RHOBTB2: variants seen among roughly 807,000 people sequenced by gnomAD.
RHOBTB2 encodes Rho related BTB domain containing 2, also known as rho-related BTB domain-containing protein 2.
RHOBTB2 carries 39 observed loss-of-function variants against 66.5 expected under a neutral mutation model. That is an observed-to-expected ratio of 0.59 (90% CI 0.45 to 0.77). The LOEUF (loss-of-function observed/expected upper bound fraction) is 0.77, where lower values mean the gene tolerates loss of function less well. Among genes scored for constraint, RHOBTB2 ranks in the 30% least tolerant of loss-of-function variants. RHOBTB2 has a pLI of 0.00. For missense variants in RHOBTB2, 755 were observed against 999.1 expected (o/e 0.76, Z 3.29); for synonymous variants, 390 against 395.0 (o/e 0.99, Z 0.15).
chr8:23,017,513 C>T lies in RHOBTB2; in HGVS notation c.*44C>T, dbSNP rs761017885. The T allele has an allele frequency of 7.1e-6, 11 of 1,551,190 alleles. No individual in the cohort carries two copies. In the East Asian group the frequency reaches 2.0e-4, roughly 28 times the overall value. Reference sequence around the variant, plus strand: ...TGACCCTGCTGCTGTTGTCCCCATCCGCCTTCACCCCTCTGCTCTTCCGCA... The same window carrying T: ...TGACCCTGCTGCTGTTGTCCCCATCTGCCTTCACCCCTCTGCTCTTCCGCA... On this transcript the variant is annotated 3_prime_UTR_variant, in exon 10 of 10. Transcript: ENST00000251822. This position sits in a 1 kb window ranked among gnomAD's most constrained non-coding sequence, Gnocchi z 5.3.
Position 23,017,344 on chromosome 8 carries a change from A to G in RHOBTB2, c.2059A>G (p.Lys687Glu), listed in dbSNP as rs374421851. ...HYQRARKEREKEDYLHLKRQP... is the reference protein window; with the variant it reads ...HYQRARKEREEEDYLHLKRQP... The stretch of plus-strand genomic sequence containing the variant: ...CCAGCGGGCACGGAAGGAGCGTGAG[A>G]AGGAGGACTACCTCCACCTCAAGCG... The change falls in exon 10 of 10, where the codon AAG becomes GAG. Residue 687 changes from lysine (K) to glutamate (E), a missense_variant. Coordinates refer to ENST00000251822, the MANE Select transcript of RHOBTB2 (RefSeq NM_015178.3). The surrounding 1 kb of genome is among the most constrained non-coding windows in gnomAD (Gnocchi z 5.3). 41 of 1,614,078 alleles carry G rather than the reference A, an allele frequency of 2.5e-5. No individual in the cohort carries two copies. Among genetic ancestry groups the G allele is most frequent in the African/African-American group, 2.3e-4 (17 of 74,928 alleles).
chr8:23,007,595 C>T lies in RHOBTB2; in HGVS notation c.1350C>T (p.His450=), dbSNP rs762843743. The change falls in exon 5 of 10, where the codon CAC becomes CAT. Residue 450 remains histidine, a synonymous_variant. Transcript: ENST00000251822. ...ENERDLMHIA[H]IAELLEVFDL... ...AGCGTGACCTCATGCACATTGCCCA[C>T]ATTGCTGAGCTGCTCGAGGTCTTTG... is the stretch of plus-strand genomic sequence containing the variant. 8 of 1,614,100 alleles carry T rather than the reference C, an allele frequency of 5.0e-6. No individual in the cohort carries two copies. The highest frequency in any genetic ancestry group is 6.8e-6 in the Non-Finnish European group (8 of 1,180,050).
At position 23,004,958 on chromosome 8, in the gene RHOBTB2, G is replaced by T; in HGVS notation, c.192+332G>T. The stretch of plus-strand genomic sequence containing the variant: ...GCTTGGAAGAGATACAAGCTGAGAG[G>T]AGCAAAGAAGCTGGCAGCTGATAGC... On this transcript the variant is annotated intron_variant, in intron 2 of 9. Coordinates refer to ENST00000251822, the MANE Select transcript of RHOBTB2 (RefSeq NM_015178.3). The surrounding 1 kb of genome is among the most constrained non-coding windows in gnomAD (Gnocchi z 6.4). The T allele has an allele frequency of 2.3e-6, 1 of 428,958 alleles. No individual in the cohort carries two copies. The highest frequency in any genetic ancestry group is 4.3e-6 in the Non-Finnish European group (1 of 232,670). The allele number at this position is 428,958 out of a possible 1,614,324, so 26.6% of individuals were successfully genotyped here. A position where few individuals can be genotyped will look rare whatever the true frequency, so the allele number is the denominator to read the frequency against.
At position 23,006,619 on chromosome 8, in the gene RHOBTB2, G is replaced by T. The variant is rs537863441; in HGVS notation, c.483-109G>T. On this transcript the variant is annotated intron_variant, in intron 4 of 9. Coordinates refer to ENST00000251822, the MANE Select transcript of RHOBTB2 (RefSeq NM_015178.3). The surrounding 1 kb of genome is among the most constrained non-coding windows in gnomAD (Gnocchi z 6.1). The stretch of plus-strand genomic sequence containing the variant: ...GGCCAGACAGAGCAGGGCAGGAGTG[G>T]GTGGGGATTGGCACCCAGATCCTGA... 253 of 1,059,750 alleles carry T rather than the reference G, an allele frequency of 2.4e-4. 1 individual carries two copies. In the South Asian group the frequency reaches 3.7e-3, roughly 15 times the overall value. 65.6% of individuals were successfully genotyped at this position (1,059,750 alleles called of 1,614,324 possible).
upstream of RHOBTB2, chr8:22,994,670 T>C: frequency 6.6e-7 from 1 of 1,517,210 alleles, no homozygotes; most frequent in South Asian, 1.2e-5. Flanking sequence ...GTGCTCTCCC[T>C]TCCCAAACAT....
the RHOBTB2 span, among the ~76,000 whole-genome samples, chr8:22,952,213 C>T: frequency 2.6e-5 from 4 of 152,076 alleles, no homozygotes; most frequent in South Asian, 2.1e-4. Flanking sequence ...TCCCACCTGG[C>T]GAGTATCTTG....
chr8:22,969,878 AG>A, the RHOBTB2 span, among the ~76,000 whole-genome samples: 1 of 152,076 alleles, frequency 6.6e-6, no homozygotes, highest in Admixed American at 6.6e-5. Context: ...TAATCTCCCA[AG>A]TAGCTGGGAC....
the RHOBTB2 span, among the ~76,000 whole-genome samples, chr8:22,965,465 A>G: frequency 6.6e-6 from 1 of 152,226 alleles, no homozygotes; most frequent in Non-Finnish European, 1.5e-5. Flanking sequence ...GGGACCCCCG[A>G]ATAGCCACAA....
At position 23,019,927 on chromosome 8, in the gene RHOBTB2, G is replaced by GTCGCC; in HGVS notation, c.*2458_*2459insTCGCC. 1 of 248,794 alleles carries GTCGCC rather than the reference G, an allele frequency of 4.0e-6. No homozygotes were observed. The highest frequency in any genetic ancestry group is 4.6e-5 in the South Asian group (1 of 21,644). The allele number at this position is 248,794 out of a possible 1,614,324, so 15.4% of individuals were successfully genotyped here. A position where few individuals can be genotyped will look rare whatever the true frequency, so the allele number is the denominator to read the frequency against. ...GCAGGCAGGAGAGAGAGGGGAAGGA[G>GTCGCC]GTATGAATCCCAGTCCCCAGGAACC... On this transcript the variant is annotated 3_prime_UTR_variant, in exon 10 of 10. Transcript: ENST00000251822.
chr8:23,006,587 G>T lies in RHOBTB2; in HGVS notation c.483-141G>T. 1.2e-6 allele frequency: 1 copy of T among 806,068 alleles called. No homozygotes were observed. The highest frequency in any genetic ancestry group is 2.0e-6 in the Non-Finnish European group (1 of 497,584). The allele number at this position is 806,068 out of a possible 1,614,324, so 49.9% of individuals were successfully genotyped here. On this transcript the variant is annotated intron_variant, in intron 4 of 9. Transcript: ENST00000251822. The surrounding 1 kb of genome is among the most constrained non-coding windows in gnomAD (Gnocchi z 6.1). ...GGAGTGGACCTTGAAGGAGCTTGATGGGATTTGGCCAGACAGAGCAGGGCA... is the reference window on the plus strand; with the variant it reads ...GGAGTGGACCTTGAAGGAGCTTGATTGGATTTGGCCAGACAGAGCAGGGCA...
the RHOBTB2 span, among the ~76,000 whole-genome samples, chr8:22,976,150 A>T: frequency 2.0e-5 from 3 of 151,922 alleles, no homozygotes; most frequent in African/African-American, 7.2e-5. Context: ...TGTCTCAAAA[A>T]ATAAATAAAT....
intron 2 of RHOBTB2, among the ~76,000 whole-genome samples, chr8:22,993,119 CCAAGGTGCG>C (rs1810464329): frequency 1.3e-5 from 2 of 152,190 alleles, no homozygotes; most frequent in Non-Finnish European, 2.9e-5. Flanking sequence ...GGCACTAGAG[CCAAGGTGCG>C]CATGGGATTT....
Position 23,014,679 on chromosome 8 carries a change from G to T in RHOBTB2, c.1772-11G>T. The stretch of plus-strand genomic sequence containing the variant: ...GCTTCTTCAGCTGATTGGTGGCCGT[G>T]TGTGTTACAGAGCAGTACACAGTGA... On this transcript the variant is annotated splice_polypyrimidine_tract_variant and intron_variant, in intron 7 of 9. Coordinates refer to ENST00000251822, the MANE Select transcript of RHOBTB2 (RefSeq NM_015178.3). 1 of 1,612,720 alleles carries T rather than the reference G, an allele frequency of 6.2e-7. No homozygotes were observed. Among genetic ancestry groups the T allele is most frequent in the Non-Finnish European group, 8.5e-7 (1 of 1,178,738 alleles).
At chr8:22,990,985 C>T (rs948150733) in intron 1 of RHOBTB2, among the ~76,000 whole-genome samples, 3 of 152,128 alleles carry the variant, frequency 2.0e-5, no homozygotes, top group African/African-American at 7.2e-5. Flanking sequence ...TGTCCTGCAG[C>T]GCAGTGCTTT....
rs150821336 is a variant in RHOBTB2 at position 23,014,438 on chromosome 8, T to C, written c.1772-252T>C. On this transcript the variant is annotated intron_variant, in intron 7 of 9. Transcript: ENST00000251822. ...ATCAGATTATGTCACGGGACATACG[T>C]AGTTTGAAAAATCCTCTTAGGTAAT... is the stretch of plus-strand genomic sequence containing the variant. 3.1e-3 allele frequency among the ~76,000 whole-genome samples: 474 copies of C among 152,320 alleles called. 2 individuals carry two copies. Among genetic ancestry groups the C allele is most frequent in the African/African-American group, 0.011 (441 of 41,572 alleles).
At chr8:23,001,473 C>T (rs764402266) in intron 1 of RHOBTB2, among the ~76,000 whole-genome samples, 7 of 152,206 alleles carry the variant, frequency 4.6e-5, no homozygotes, top group Non-Finnish European at 7.3e-5. Flanking sequence ...GGACAGGATC[C>T]TCCTTTAAGA....
chr8:23,016,800 A>C (rs534047376), intron 9 of RHOBTB2, among the ~76,000 whole-genome samples: 2 of 152,144 alleles, frequency 1.3e-5, no homozygotes, highest in African/African-American at 4.8e-5. Flanking sequence ...ATGGCCCCCC[A>C]TACCCTGCAG....
chr8:23,014,433 A>G (rs975188828), intron 7 of RHOBTB2, among the ~76,000 whole-genome samples: 26 of 152,260 alleles, frequency 1.7e-4, no homozygotes, highest in Non-Finnish European at 1.5e-5. Context: ...GTCACGGGAC[A>G]TACGTAGTTT....
At position 22,999,801 on chromosome 8, in the gene RHOBTB2, G is replaced by T; in HGVS notation, c.-315G>T. On this transcript the variant is annotated 5_prime_UTR_variant, in exon 1 of 10. Coordinates refer to ENST00000251822, the MANE Select transcript of RHOBTB2 (RefSeq NM_015178.3). ...CGCCGCCCGCTGCCTCCGCAGCCCGGCTCCGCGCGCCGCCGTGACATTGGG... is the reference window on the plus strand; with the variant it reads ...CGCCGCCCGCTGCCTCCGCAGCCCGTCTCCGCGCGCCGCCGTGACATTGGG... The T allele has an allele frequency of 1.0e-6, 1 of 983,344 alleles. No homozygotes were observed. The highest frequency in any genetic ancestry group is 1.2e-6 in the Non-Finnish European group (1 of 829,560). The allele number at this position is 983,344 out of a possible 1,614,324, so 60.9% of individuals were successfully genotyped here.
Sources: gnomAD v4.1 joint callset for allele counts (sites outside exome capture counted in the v4.1 genomes callset) on GRCh38, gnomAD v4.1.1 for gene constraint, Gnocchi (gnomAD v3.1) non-coding constraint, MANE v1.5 for transcripts, NCBI Gene and HGNC (gene_info 2026-07-23, HGNC 2026-07-21) for gene names.